ZEB1: variants seen among roughly 807,000 people sequenced by gnomAD.
ZEB1 encodes zinc finger E-box-binding homeobox 1.
In ZEB1, 21 loss-of-function variants were observed where a neutral mutation model predicts 84.9. That is an observed-to-expected ratio of 0.25 (90% CI 0.18 to 0.36). ZEB1 has a LOEUF of 0.36. Among genes scored for constraint, ZEB1 ranks in the 10% least tolerant of loss-of-function variants. The pLI, the probability that ZEB1 is intolerant of heterozygous loss-of-function variation, is 1.00. For missense variants in ZEB1, 1,104 were observed against 1,330.2 expected, an observed-to-expected ratio of 0.83 and a Z score of 2.65; for synonymous variants, 420 against 471.1, an observed-to-expected ratio of 0.89 and a Z score of 1.41.
intron 1 of ZEB1, among the ~76,000 whole-genome samples, chr10:31,438,880 A>G (rs2058575998): frequency 6.6e-6 from 1 of 152,202 alleles, no homozygotes; most frequent in South Asian, 2.1e-4. Context: ...ATACACATAT[A>G]CATACGTACA....
At chr10:31,430,183 C>T (rs866595493) in intron 1 of ZEB1, among the ~76,000 whole-genome samples, 20 of 152,130 alleles carry the variant, frequency 1.3e-4, no homozygotes, top group African/African-American at 4.3e-4. Flanking sequence ...TGTTTGTAAT[C>T]GTAGGCAATT....
intron 1 of ZEB1, among the ~76,000 whole-genome samples, chr10:31,425,124 A>G (rs2056758784): frequency 6.6e-6 from 1 of 152,078 alleles, no homozygotes; most frequent in Admixed American, 6.5e-5. Context: ...GATAGCCAAT[A>G]TATCCATAAA....
intron 1 of ZEB1, among the ~76,000 whole-genome samples, chr10:31,409,546 A>G (rs1052875229): frequency 1.8e-4 from 27 of 152,186 alleles, no homozygotes; most frequent in African/African-American, 6.0e-4. Context: ...AATTCTGTGA[A>G]GAGAGTCAAT....
At chr10:31,366,671 G>T (rs2044562902) in intron 1 of ZEB1, among the ~76,000 whole-genome samples, 1 of 152,222 alleles carries the variant, frequency 6.6e-6, no homozygotes, top group South Asian at 2.1e-4. Flanking sequence ...TTTCTGCTTT[G>T]TGCTCACACT....
chr10:31,408,984 G>A (rs1350420003), intron 1 of ZEB1, among the ~76,000 whole-genome samples: 10 of 151,286 alleles, frequency 6.6e-5, no homozygotes, highest in African/African-American at 1.9e-4. Context: ...GAAAATTTTT[G>A]CAACCTACTC....
chr10:31,352,735 A>G (rs540986048), intron 1 of ZEB1, among the ~76,000 whole-genome samples: 24 of 152,322 alleles, frequency 1.6e-4, no homozygotes, highest in Admixed American at 1.3e-3. Context: ...GCTGGATTCC[A>G]AAAAGAAATG....
intron 1 of ZEB1, among the ~76,000 whole-genome samples, chr10:31,409,518 T>G (rs1279039087): frequency 7.7e-6 from 1 of 129,646 alleles, no homozygotes; most frequent in Non-Finnish European, 1.6e-5. Flanking sequence ...CCGTATGAAG[T>G]TTAAAGTGGT....
At chr10:31,352,179 T>TA (rs1333698373) in intron 1 of ZEB1, among the ~76,000 whole-genome samples, 2 of 152,202 alleles carry the variant, frequency 1.3e-5, no homozygotes, top group Non-Finnish European at 2.9e-5. Flanking sequence ...TCATAAGACT[T>TA]AGTGTTTCAC....
Position 31,521,541 on chromosome 10 carries a change from G to A in ZEB1, c.2209G>A (p.Asp737Asn). 1 of 1,614,062 alleles carries A rather than the reference G, an allele frequency of 6.2e-7. No homozygotes were observed. Among genetic ancestry groups the A allele is most frequent in the Non-Finnish European group, 8.5e-7 (1 of 1,180,016 alleles). ...AQEEPQVEPL[D>N]LSLPKQQGEL... ...AGAAGAGCCACAAGTAGAACCTCTT[G>A]ATCTTTCACTACCAAAGCAACAGGG... Residue 737 changes from aspartate (D) to asparagine (N), a missense_variant, in exon 7 of 9, where the codon GAT becomes AAT. Coordinates refer to ENST00000424869, the MANE Select transcript of ZEB1 (RefSeq NM_001174096.2).
In ZEB1 at chr10:31,426,302, C is replaced by G. The variant is rs138283145; in HGVS notation, c.59-34735C>G. The stretch of plus-strand genomic sequence containing the variant: ...GTGACCTAGAGAAAACATTACTCTG[C>G]CCCCTACCCTCATCCCACCCCCATG... On this transcript the variant is annotated intron_variant, in intron 1 of 8. Transcript: ENST00000424869. 2.2e-4 allele frequency among the ~76,000 whole-genome samples: 33 copies of G among 152,030 alleles called. 1 individual carries two copies. In the East Asian group the frequency reaches 6.2e-3, roughly 29 times the overall value.
intron 1 of ZEB1, among the ~76,000 whole-genome samples, chr10:31,365,077 A>G (rs559412844): frequency 2.6e-5 from 4 of 152,332 alleles, no homozygotes; most frequent in South Asian, 4.1e-4. Flanking sequence ...GTATGTAAAG[A>G]TTATGTTATA....
chr10:31,449,038 C>CAG (rs2060184925), intron 1 of ZEB1, among the ~76,000 whole-genome samples: 1 of 152,242 alleles, frequency 6.6e-6, no homozygotes, highest in African/African-American at 2.4e-5. Flanking sequence ...AGTTTGATCT[C>CAG]AGACTGCTGT....
At chr10:31,365,445 T>C (rs577117981) in intron 1 of ZEB1, among the ~76,000 whole-genome samples, 1 of 152,362 alleles carries the variant, frequency 6.6e-6, no homozygotes, top group African/African-American at 2.4e-5. Context: ...AAAGATATTA[T>C]TAAAAGGCAA....
chr10:31,471,970 C>T (rs220043), intron 2 of ZEB1, among the ~76,000 whole-genome samples: 2 of 127,038 alleles, frequency 1.6e-5, no homozygotes, highest in Admixed American at 7.1e-5. Context: ...TACTGGGTAC[C>T]TAACGAAATG....
chr10:31,471,869 C>A (rs1235760439), intron 2 of ZEB1, among the ~76,000 whole-genome samples: 2 of 145,790 alleles, frequency 1.4e-5, no homozygotes, highest in African/African-American at 2.8e-5. Context: ...ATCTCTCAGA[C>A]CACAGTGCAA....
At chr10:31,442,531 C>T (rs2059151141) in intron 1 of ZEB1, among the ~76,000 whole-genome samples, 1 of 151,456 alleles carries the variant, frequency 6.6e-6, no homozygotes, top group African/African-American at 2.4e-5. Flanking sequence ...ACGTTGTGCA[C>T]ATGTACCCTA....
At position 31,461,251 on chromosome 10, in the gene ZEB1, T is replaced by A. The variant is rs1201825539; in HGVS notation, c.259+14T>A. The A allele has an allele frequency of 1.9e-6, 3 of 1,601,006 alleles. No individual in the cohort carries two copies. Among genetic ancestry groups the A allele is most frequent in the Non-Finnish European group, 2.6e-6 (3 of 1,172,686 alleles). On this transcript the variant is annotated intron_variant, in intron 2 of 8. Transcript: ENST00000424869. ...GGGAGGATGACAGTAAGTCTGATTT[T>A]TTTTTGTAATATTGTATTCTCATGA... is the stretch of plus-strand genomic sequence containing the variant.
chr10:31,395,689 T>G (rs905781093), intron 1 of ZEB1, among the ~76,000 whole-genome samples: 1 of 152,104 alleles, frequency 6.6e-6, no homozygotes, highest in African/African-American at 2.4e-5. Flanking sequence ...TAAAGGAAGA[T>G]TATGCCAAAA....
At chr10:31,451,871 A>G (rs1484120346) in intron 1 of ZEB1, among the ~76,000 whole-genome samples, 1 of 152,180 alleles carries the variant, frequency 6.6e-6, no homozygotes, top group Non-Finnish European at 1.5e-5. Context: ...TGAGAGAGTA[A>G]CAAAGAAATC....
Sources: allele counts gnomAD v4.1 joint callset (sites outside exome capture counted in the v4.1 genomes callset), GRCh38; gene constraint gnomAD v4.1.1; transcripts MANE v1.5; gene names NCBI Gene and HGNC (gene_info 2026-07-23, HGNC 2026-07-21).